The following HACD1 variants were observed in gnomAD, a reference collection of about 807,000 sequenced individuals.
The protein encoded by HACD1 is 3-hydroxyacyl-CoA dehydratase 1.
A neutral mutation model predicts 32.0 loss-of-function variants in HACD1; 41 were observed. The ratio of observed to expected loss-of-function variants is 1.28; its 90% CI spans 1.00 to 1.66. HACD1 has a LOEUF of 1.66. Among genes scored for constraint, HACD1 ranks in the 40% most tolerant of loss-of-function variants. The probability of loss-of-function intolerance (pLI) is 0.00; values close to 1 mark genes in which losing one functional copy is unlikely to be tolerated. For synonymous variants in HACD1, 142 were observed against 139.0 expected (o/e 1.02, Z -0.15); for missense variants, 396 against 380.1 (o/e 1.04, Z -0.35).
In HACD1 at chr10:17,617,272, G is replaced by T. The variant is rs781890481; in HGVS notation, c.68C>A (p.Pro23His). ...GGGAGACAGCGGCAGGAGCGTGGGA[G>T]GGGACCCTGCCCAGCCTGCAGCCCG... ...GSRAAGWAGS[P>H]PTLLPLSPTS... is the part of the protein sequence containing the mutation. The change falls in exon 1 of 7, where the codon CCT becomes CAT. Residue 23 changes from proline to histidine, a missense_variant. Transcript: ENST00000361271. The T allele has an allele frequency of 2.7e-6, 4 of 1,471,686 alleles. No individual in the cohort carries two copies. The highest frequency in any genetic ancestry group is 2.6e-5 in the South Asian group (2 of 77,612). The allele number at this position is 1,471,686 out of a possible 1,614,324, so 91.2% of individuals were successfully genotyped here.
intron 1 of HACD1, among the ~76,000 whole-genome samples, chr10:17,613,141 TGTG>T (rs1564512223): frequency 1.0e-5 from 1 of 100,438 alleles, no homozygotes; most frequent in Admixed American, 1.2e-4. Flanking sequence ...TGTGTGTGTG[TGTG>T]TGTTTTGTTT....
At chr10:17,611,053 T>G (rs537792583) in intron 1 of HACD1, among the ~76,000 whole-genome samples, 1 of 145,198 alleles carries the variant, frequency 6.9e-6, no homozygotes, top group East Asian at 2.0e-4. Flanking sequence ...CAGGCTGGAG[T>G]GCAGTGGCAT....
At chr10:17,594,112 T>C in intron 6 of HACD1, 93 bp downstream of exon 6, 1 of 1,116,716 alleles carries the variant, frequency 9.0e-7, no homozygotes, top group Non-Finnish European at 1.2e-6. Context: ...TGTAAGCAAT[T>C]ATTTCTAATT....
chr10:17,613,544 T>C (rs1482431901), intron 1 of HACD1, among the ~76,000 whole-genome samples: 2 of 152,222 alleles, frequency 1.3e-5, no homozygotes, highest in African/African-American at 4.8e-5. Flanking sequence ...GTCTACTCTC[T>C]ATGTATGCAA....
chr10:17,604,715 T>G (rs1224981438), intron 1 of HACD1, among the ~76,000 whole-genome samples: 1 of 152,164 alleles, frequency 6.6e-6, no homozygotes, highest in Non-Finnish European at 1.5e-5. Flanking sequence ...AATTATTGGC[T>G]GATTGATTGA....
At chr10:17,600,087 T>C (rs7088365) in intron 4 of HACD1, among the ~76,000 whole-genome samples, 95,170 of 152,018 alleles carry the variant, frequency 0.63, 30,195 homozygotes, top group African/African-American at 0.73. Flanking sequence ...TCTACAATTA[T>C]TCAACCCTTC....
At chr10:17,594,928 G>C (rs943199143) in intron 5 of HACD1, among the ~76,000 whole-genome samples, 3 of 150,530 alleles carry the variant, frequency 2.0e-5, no homozygotes, top group African/African-American at 7.3e-5. Context: ...GCACAATCTT[G>C]GGTCACTGCA....
chr10:17,601,801 A>G (rs1271814549), intron 4 of HACD1, among the ~76,000 whole-genome samples: 1 of 152,148 alleles, frequency 6.6e-6, no homozygotes, highest in Non-Finnish European at 1.5e-5. Flanking sequence ...TTTAGGGTGC[A>G]GGTAAATCAT....
intron 1 of HACD1, among the ~76,000 whole-genome samples, chr10:17,611,477 T>C (rs1182548666): frequency 6.6e-6 from 1 of 152,258 alleles, no homozygotes; most frequent in Non-Finnish European, 1.5e-5. Flanking sequence ...CACATCTGCT[T>C]AGCACTTATC....
Position 17,589,386 on chromosome 10 carries a change from G to A in HACD1, c.*978C>T, listed in dbSNP as rs1242837048. The A allele has an allele frequency of 6.6e-6, 1 of 152,056 alleles. No homozygotes were observed. Among genetic ancestry groups the A allele is most frequent in the African/African-American group, 2.4e-5 (1 of 41,380 alleles). 9.4% of individuals were successfully genotyped at this position (152,056 alleles called of 1,614,324 possible). On this transcript the variant is annotated 3_prime_UTR_variant, in exon 7 of 7. Transcript: ENST00000361271. ...TAACCTTGAATTCCTGGGCTCAAGT[G>A]ATCCTCCCACCTCAGCCTCCCAAGC...
At chr10:17,605,293 G>T (rs1275830850) in intron 1 of HACD1, among the ~76,000 whole-genome samples, 1 of 152,144 alleles carries the variant, frequency 6.6e-6, no homozygotes, top group Non-Finnish European at 1.5e-5. Context: ...GGGAGGCCGA[G>T]GCAGGTGGAT....
At chr10:17,602,073 T>A (rs1834077796) in intron 4 of HACD1, among the ~76,000 whole-genome samples, 1 of 59,418 alleles carries the variant, frequency 1.7e-5, no homozygotes, top group Admixed American at 1.4e-4. Context: ...ATGGGTTTAA[T>A]TTTTTTTTTT....
At chr10:17,594,107 G>A in intron 6 of HACD1, 98 bp downstream of exon 6, 1 of 1,100,598 alleles carries the variant, frequency 9.1e-7, no homozygotes, top group Non-Finnish European at 1.2e-6. Context: ...GTATTTGTAA[G>A]CAATTATTTC....
intron 1 of HACD1, among the ~76,000 whole-genome samples, chr10:17,614,174 G>A (rs1833035215): frequency 6.6e-6 from 1 of 152,218 alleles, no homozygotes. Context: ...TGGGCACGGT[G>A]GCTCACACCT....
intron 4 of HACD1, among the ~76,000 whole-genome samples, chr10:17,601,074 C>T (rs1834063589): frequency 6.6e-6 from 1 of 151,590 alleles, no homozygotes; most frequent in Admixed American, 6.6e-5. Flanking sequence ...CGCTCTGTCA[C>T]CCAGGCTGGA....
chr10:17,591,627 T>C (rs1335055214), intron 6 of HACD1, among the ~76,000 whole-genome samples: 4 of 152,232 alleles, frequency 2.6e-5, no homozygotes, highest in African/African-American at 9.6e-5. Flanking sequence ...CAGTGTTTCA[T>C]AGTATAAATG....
chr10:17,602,190 C>T (rs1554816594), intron 4 of HACD1, among the ~76,000 whole-genome samples: 3 of 152,068 alleles, frequency 2.0e-5, no homozygotes, highest in South Asian at 4.1e-4. Flanking sequence ...CTGCCTCAGC[C>T]TCCCGTGTAG....
chr10:17,593,937 A>T (rs1833961119), intron 6 of HACD1, among the ~76,000 whole-genome samples: 1 of 152,208 alleles, frequency 6.6e-6, no homozygotes, highest in Non-Finnish European at 1.5e-5. Flanking sequence ...TCTTTAAAAA[A>T]ATCATACTAA....
intron 1 of HACD1, chr10:17,615,810 T>C (rs1554817957): frequency 2.3e-6 from 1 of 429,608 alleles, no homozygotes; most frequent in Non-Finnish European, 4.7e-6. Context: ...CTACCAAAAA[T>C]ACAAAAATTA....
Sources: gnomAD v4.1 joint callset for allele counts (sites outside exome capture counted in the v4.1 genomes callset) on GRCh38, gnomAD v4.1.1 for gene constraint, MANE v1.5 for transcripts, NCBI Gene and HGNC (gene_info 2026-07-23, HGNC 2026-07-21) for gene names.